PAPPA2: variants seen among roughly 807,000 people sequenced by gnomAD.
The protein encoded by PAPPA2 is pappalysin-2.
PAPPA2 carries 86 observed loss-of-function variants against 176.4 expected under a neutral mutation model. The observed-to-expected ratio is 0.49, with a 90% CI of 0.41 to 0.58. The LOEUF (loss-of-function observed/expected upper bound fraction) is 0.58, where lower values mean the gene tolerates loss of function less well. PAPPA2 is among the 20% of genes least tolerant of loss of function. The probability of loss-of-function intolerance (pLI) is 0.00; values close to 1 mark genes in which losing one functional copy is unlikely to be tolerated. For missense variants in PAPPA2, 2,073 were observed against 2,256.9 expected, an observed-to-expected ratio of 0.92 and a Z score of 1.65; for synonymous variants, 809 against 852.2, an observed-to-expected ratio of 0.95 and a Z score of 0.88.
intron 3 of PAPPA2, among the ~76,000 whole-genome samples, chr1:176,621,209 A>C (rs1227137738): frequency 6.6e-6 from 1 of 152,228 alleles, no homozygotes; most frequent in African/African-American, 2.4e-5. Context: ...TCTGGTAATC[A>C]TTGATCTGAA....
At chr1:176,623,637 TTC>T (rs552432858) in intron 3 of PAPPA2, among the ~76,000 whole-genome samples, 2 of 116,548 alleles carry the variant, frequency 1.7e-5, no homozygotes, top group African/African-American at 3.4e-5. Context: ...TTTACTTTCT[TTC>T]TTTCTTTCTT....
chr1:176,694,401 C>G (rs1660263913), intron 6 of PAPPA2, among the ~76,000 whole-genome samples: 2 of 152,212 alleles, frequency 1.3e-5, no homozygotes, highest in South Asian at 2.1e-4. Flanking sequence ...TGAGTTTTCT[C>G]ATTTGTAAAC....
In PAPPA2 at chr1:176,768,862, C is replaced by T. The variant is rs73048127; in HGVS notation, c.4324-745C>T. On this transcript the variant is annotated intron_variant, in intron 15 of 22. Coordinates refer to ENST00000367662, the MANE Select transcript of PAPPA2 (RefSeq NM_020318.3). ...ATGCATTAACTCTCAGCACCATTCT[C>T]AGTGGAGGTAATTATTTTCAGTAGC... 8.0e-3 allele frequency among the ~76,000 whole-genome samples: 1,212 copies of T among 152,238 alleles called. 11 individuals carry two copies. Among genetic ancestry groups the T allele is most frequent in the African/African-American group, 0.027 (1,136 of 41,536 alleles).
chr1:176,598,546 T>G (rs1654109884), intron 3 of PAPPA2, among the ~76,000 whole-genome samples: 1 of 152,176 alleles, frequency 6.6e-6, no homozygotes, highest in Non-Finnish European at 1.5e-5. Flanking sequence ...TCTTCCCATT[T>G]CCAGCCCCAC....
intron 4 of PAPPA2, among the ~76,000 whole-genome samples, chr1:176,677,510 G>A (rs1558513136): frequency 6.6e-6 from 1 of 152,138 alleles, no homozygotes; most frequent in Non-Finnish European, 1.5e-5. Flanking sequence ...ATCAATGAGT[G>A]GGATCCTCTT....
chr1:176,702,151 G>A (rs1275374435), intron 8 of PAPPA2, among the ~76,000 whole-genome samples: 1 of 152,212 alleles, frequency 6.6e-6, no homozygotes, highest in African/African-American at 2.4e-5. Context: ...TCTCAAGACA[G>A]GAATTCTCTT....
At chr1:176,635,742 C>T (rs12144032) in intron 3 of PAPPA2, among the ~76,000 whole-genome samples, 9,959 of 152,142 alleles carry the variant, frequency 0.065, 357 homozygotes, top group South Asian at 0.14. Context: ...TACAAGCTGA[C>T]CTTTCCATGT....
intron 21 of PAPPA2, among the ~76,000 whole-genome samples, chr1:176,808,630 C>T (rs1002536957): frequency 1.4e-4 from 21 of 152,056 alleles, no homozygotes; most frequent in South Asian, 2.1e-4. Context: ...GACAACAAGC[C>T]ACATGCAAAT....
chr1:176,768,674 G>T (rs1006411250), intron 15 of PAPPA2, among the ~76,000 whole-genome samples: 1 of 152,080 alleles, frequency 6.6e-6, no homozygotes, highest in African/African-American at 2.4e-5. Context: ...GTTCCCGGAG[G>T]ATATTTTGTT....
intron 3 of PAPPA2, among the ~76,000 whole-genome samples, chr1:176,645,130 T>G (rs543755553): frequency 6.6e-6 from 1 of 151,960 alleles, no homozygotes; most frequent in South Asian, 2.1e-4. Context: ...TTTTGAAATA[T>G]ACAATAGGTT....
At chr1:176,617,230 C>T (rs111518831) in intron 3 of PAPPA2, among the ~76,000 whole-genome samples, 1 of 152,176 alleles carries the variant, frequency 6.6e-6, no homozygotes, top group African/African-American at 2.4e-5. Context: ...CACCACAGAA[C>T]TGAGGAATGT....
intron 3 of PAPPA2, among the ~76,000 whole-genome samples, chr1:176,596,014 T>C (rs575078005): frequency 6.6e-6 from 1 of 152,350 alleles, no homozygotes; most frequent in Non-Finnish European, 1.5e-5. Context: ...AGTCTTAGCA[T>C]CTTGGCAAAG....
chr1:176,620,916 T>G (rs1655557413), intron 3 of PAPPA2, among the ~76,000 whole-genome samples: 1 of 152,178 alleles, frequency 6.6e-6, no homozygotes, highest in African/African-American at 2.4e-5. Context: ...AACAATATTT[T>G]TATGGACTCT....
intron 3 of PAPPA2, among the ~76,000 whole-genome samples, chr1:176,643,522 G>T (rs897034546): frequency 2.2e-4 from 33 of 151,346 alleles, no homozygotes; most frequent in Non-Finnish European, 1.5e-4. Context: ...ATCATAGTTT[G>T]CAGATTCCTG....
chr1:176,826,937 G>A (rs1666883159), intron 21 of PAPPA2, among the ~76,000 whole-genome samples: 1 of 152,170 alleles, frequency 6.6e-6, no homozygotes, highest in Admixed American at 6.5e-5. Context: ...ACCTTTGATT[G>A]TGGTAAGGAT....
chr1:176,464,856 G>A (rs1016732530), intron 1 of PAPPA2, among the ~76,000 whole-genome samples: 2 of 152,162 alleles, frequency 1.3e-5, no homozygotes, highest in Non-Finnish European at 2.9e-5. Flanking sequence ...ATTTGAAGAA[G>A]AAACTATAAA....
chr1:176,792,290 C>A (rs1665211348), intron 19 of PAPPA2, among the ~76,000 whole-genome samples: 1 of 152,182 alleles, frequency 6.6e-6, no homozygotes, highest in Non-Finnish European at 1.5e-5. Flanking sequence ...GTAGCTGATG[C>A]GAAACCTTGT....
At chr1:176,492,267 G>A (rs1236608843) in intron 1 of PAPPA2, among the ~76,000 whole-genome samples, 1 of 152,152 alleles carries the variant, frequency 6.6e-6, no homozygotes, top group Admixed American at 6.5e-5. Flanking sequence ...CTGCTATGCT[G>A]CCTCTTAGCT....
intron 17 of PAPPA2, among the ~76,000 whole-genome samples, chr1:176,780,585 C>A (rs1183917437): frequency 2.6e-5 from 4 of 152,198 alleles, no homozygotes; most frequent in Admixed American, 2.6e-4. Context: ...TGCTCCTCTA[C>A]CTGGTGAACC....
Sources: gnomAD v4.1 joint callset for allele counts (sites outside exome capture counted in the v4.1 genomes callset) on GRCh38, gnomAD v4.1.1 for gene constraint, MANE v1.5 for transcripts, NCBI Gene and HGNC (gene_info 2026-07-23, HGNC 2026-07-21) for gene names.